Variants in ACAP1 observed in about 807,000 individuals in gnomAD.
ACAP1 encodes ArfGAP with coiled-coil, ankyrin repeat and PH domains 1.
ACAP1 carries 45 observed loss-of-function variants against 98.8 expected under a neutral mutation model. The observed-to-expected ratio is 0.46, with a 90% CI of 0.36 to 0.58. The LOEUF (loss-of-function observed/expected upper bound fraction) is 0.58. Ranked by LOEUF, ACAP1 falls within the 20% of genes least tolerant of loss-of-function variation. The pLI is 0.00. For synonymous variants in ACAP1, 362 were observed against 375.3 expected, an observed-to-expected ratio of 0.96 and a Z score of 0.41; for missense variants, 735 against 971.4, an observed-to-expected ratio of 0.76 and a Z score of 3.24.
chr17:7,343,692 T>C lies in ACAP1; in HGVS notation c.529-14T>C, dbSNP rs967041206. 1.9e-6 allele frequency: 3 copies of C among 1,613,040 alleles called. No individual in the cohort carries two copies. Among genetic ancestry groups the C allele is most frequent in the African/African-American group, 1.3e-5 (1 of 74,872 alleles). On this transcript the variant is annotated splice_polypyrimidine_tract_variant and intron_variant, in intron 6 of 21. Coordinates refer to ENST00000158762, the MANE Select transcript of ACAP1 (RefSeq NM_014716.4). The surrounding 1 kb of genome is among the most constrained non-coding windows in gnomAD (Gnocchi z 4.9). ...CTGATCTGGGGTTTTTTACGTCCTC[T>C]TTTACGTCCTCAGATCAACGTGATT...
In ACAP1 at chr17:7,346,610, G is replaced by C. The variant is rs112366129; in HGVS notation, c.1007+119G>C. 2.5e-6 allele frequency: 3 copies of C among 1,200,400 alleles called. No homozygotes were observed. The East Asian group carries it at 7.1e-5, about 28-fold the overall frequency. The allele number at this position is 1,200,400 out of a possible 1,614,324, so 74.4% of individuals were successfully genotyped here. On this transcript the variant is annotated intron_variant, in intron 12 of 21. Transcript: ENST00000158762. ...CTCCAGACTTTAATTTAATTCTTTG[G>C]CGGCTGGACTGGGGGGCCATTGTGG...
chr17:7,338,749 G>A (rs1450596092), intron 2 of ACAP1, among the ~76,000 whole-genome samples: 2 of 150,296 alleles, frequency 1.3e-5, no homozygotes, highest in East Asian at 4.1e-4. Flanking sequence ...GTCTCCCTAT[G>A]TTACCTAGGC....
chr17:7,351,317 C>G lies in ACAP1; in HGVS notation c.2145C>G (p.Ile715Met), dbSNP rs1186205047. Residue 715 changes from isoleucine to methionine, a missense_variant, in exon 22 of 22, where the codon ATC becomes ATG. Physicochemically the swap from Ile to Met is conservative, Grantham distance 10. This residue lies in a region of ACAP1 where 142 missense variants were observed against 224.1 expected (regional missense o/e 0.63). Coordinates refer to ENST00000158762, the MANE Select transcript of ACAP1 (RefSeq NM_014716.4). ...GQAGDETYLD[I>M]FRDFSLMASD... The stretch of plus-strand genomic sequence containing the variant: ...CAGGAGATGAGACGTATCTTGACAT[C>G]TTCCGCGACTTCTCCCTCATGGCGT... The G allele has an allele frequency of 1.2e-6, 2 of 1,613,612 alleles. No individual in the cohort carries two copies. The highest frequency in any genetic ancestry group is 1.1e-5 in the South Asian group (1 of 91,026).
intron 21 of ACAP1, 88 bp downstream of exon 21, chr17:7,351,087 C>A (rs62059228): frequency 7.5e-7 from 1 of 1,341,068 alleles, no homozygotes; most frequent in Non-Finnish European, 1.1e-6. Flanking sequence ...TAGTGCCCAG[C>A]TGCATTCATT....
At position 7,350,404 on chromosome 17, in the gene ACAP1, A is replaced by T; in HGVS notation, c.2072+167A>T. The T allele has an allele frequency of 8.3e-5, 33 of 397,180 alleles. No homozygotes were observed. The highest frequency in any genetic ancestry group is 1.1e-4 in the Non-Finnish European group (23 of 212,154). The allele number at this position is 397,180 out of a possible 1,614,324, so 24.6% of individuals were successfully genotyped here. ...GCCAGGCTCGAGAAAGGCTGCGCGA[A>T]GTGTGCACTGGGACGTGGAGTAGAA... On this transcript the variant is annotated intron_variant, in intron 20 of 21. Transcript: ENST00000158762. This position sits in a 1 kb window ranked among gnomAD's most constrained non-coding sequence, Gnocchi z 4.6.
Position 7,336,596 on chromosome 17 carries a change from G to A in ACAP1, c.-139G>A. ...CCCCTTTCCCCTTGGGGAAAGAATT[G>A]TGCCCCCAGGCCCTTCCCCGCGGAG... is the stretch of plus-strand genomic sequence containing the variant. On this transcript the variant is annotated 5_prime_UTR_variant, in exon 1 of 22. In the 5' UTR this introduces an upstream ATG that the reference lacks. Coordinates refer to ENST00000158762, the MANE Select transcript of ACAP1 (RefSeq NM_014716.4). The A allele has an allele frequency of 1.2e-6, 1 of 820,400 alleles. No homozygotes were observed. Among genetic ancestry groups the A allele is most frequent in the Non-Finnish European group, 2.0e-6 (1 of 492,340 alleles). 50.8% of individuals were successfully genotyped at this position (820,400 alleles called of 1,614,324 possible).
intron 15 of ACAP1, 60 bp downstream of exon 15, chr17:7,348,051 G>A (rs75068157): frequency 0.018 from 28,357 of 1,610,056 alleles, 331 homozygotes; most frequent in Non-Finnish European, 0.02. Flanking sequence ...AGGACATGGC[G>A]GTGCAGGGGC....
Position 7,350,375 on chromosome 17 carries a change from C to T in ACAP1, c.2072+138C>T, listed in dbSNP as rs114397726. On this transcript the variant is annotated intron_variant, in intron 20 of 21. Transcript: ENST00000158762. The surrounding 1 kb of genome is among the most constrained non-coding windows in gnomAD (Gnocchi z 4.6). ...CCTCGGAAAGGGGCTGGGCCAGCGCCGGGGCCAGGCTCGAGAAAGGCTGCG... is the reference window on the plus strand; with the variant it reads ...CCTCGGAAAGGGGCTGGGCCAGCGCTGGGGCCAGGCTCGAGAAAGGCTGCG... 2.0e-3 allele frequency: 1,094 copies of T among 550,976 alleles called. 11 individuals carry two copies. Among genetic ancestry groups the T allele is most frequent in the African/African-American group, 0.019 (983 of 50,526 alleles). The allele number at this position is 550,976 out of a possible 1,614,324, so 34.1% of individuals were successfully genotyped here.
In ACAP1 at chr17:7,344,281, T is replaced by G. The variant is rs562438652; in HGVS notation, c.744+158T>G. Among the ~76,000 whole-genome samples the G allele has an allele frequency of 3.3e-5, 5 of 152,180 alleles. No individual in the cohort carries two copies. In the South Asian group the frequency reaches 1.0e-3, roughly 32 times the overall value. ...TTTAAAATTAGCTGGTGTGGTGGCA[T>G]GCACCTCTAGTTCTAGCTACTCAGG... On this transcript the variant is annotated intron_variant, in intron 9 of 21. Transcript: ENST00000158762. The surrounding 1 kb of genome is among the most constrained non-coding windows in gnomAD (Gnocchi z 4.9).
Position 7,347,026 on chromosome 17 carries a change from C to G in ACAP1, c.1132-5C>G, listed in dbSNP as rs1420803312. On this transcript the variant is annotated splice_region_variant and splice_polypyrimidine_tract_variant and intron_variant, in intron 13 of 21. Transcript: ENST00000158762. ...GGCCACCCTTTCTTCCCCTCTCTCC[C>G]CCAGGGCTCAGGACACCTGGCCATA... is the stretch of plus-strand genomic sequence containing the variant. 4 of 1,577,328 alleles carry G rather than the reference C, an allele frequency of 2.5e-6. No homozygotes were observed. Among genetic ancestry groups the G allele is most frequent in the Non-Finnish European group, 3.5e-6 (4 of 1,157,360 alleles).
At position 7,350,633 on chromosome 17, in the gene ACAP1, G is replaced by A. The variant is rs1336048792; in HGVS notation, c.2073-317G>A. 1.3e-5 allele frequency: 5 copies of A among 381,944 alleles called. No homozygotes were observed. Among genetic ancestry groups the A allele is most frequent in the African/African-American group, 2.1e-5 (1 of 47,302 alleles). 23.7% of individuals were successfully genotyped at this position (381,944 alleles called of 1,614,324 possible). On this transcript the variant is annotated intron_variant, in intron 20 of 21. Transcript: ENST00000158762. This position sits in a 1 kb window ranked among gnomAD's most constrained non-coding sequence, Gnocchi z 4.6. ...AGTCTTTTTTTTTTTTTTTGAGACGGAGTCTCACTCTGTCGCCCAGGCTAG... is the reference window on the plus strand; with the variant it reads ...AGTCTTTTTTTTTTTTTTTGAGACGAAGTCTCACTCTGTCGCCCAGGCTAG...
chr17:7,338,552 C>T (rs992600587), intron 2 of ACAP1, among the ~76,000 whole-genome samples: 4 of 152,064 alleles, frequency 2.6e-5, no homozygotes, highest in Middle Eastern at 3.4e-3. Context: ...CTTAAGCCAC[C>T]GCACCCGGCC....
chr17:7,336,594 T>G lies in ACAP1; in HGVS notation c.-141T>G. On this transcript the variant is annotated 5_prime_UTR_variant, in exon 1 of 22. Transcript: ENST00000158762. ...CACCCCTTTCCCCTTGGGGAAAGAA[T>G]TGTGCCCCCAGGCCCTTCCCCGCGG... The G allele has an allele frequency of 1.2e-6, 1 of 810,180 alleles. No individual in the cohort carries two copies. The highest frequency in any genetic ancestry group is 2.5e-5 in the East Asian group (1 of 39,860). The allele number at this position is 810,180 out of a possible 1,614,324, so 50.2% of individuals were successfully genotyped here. A position where few individuals can be genotyped will look rare whatever the true frequency, so the allele number is the denominator to read the frequency against.
chr17:7,344,714 C>A lies in ACAP1; in HGVS notation c.854+66C>A, dbSNP rs2073330586. On this transcript the variant is annotated intron_variant, in intron 10 of 21. Transcript: ENST00000158762. The surrounding 1 kb of genome is among the most constrained non-coding windows in gnomAD (Gnocchi z 4.9). ...GATGTATTTTCGAGTGGTAATAGCA[C>A]ACTAAGCACTGCAAGGAAAAACAGA... is the stretch of plus-strand genomic sequence containing the variant. 8.5e-7 allele frequency: 1 copy of A among 1,183,242 alleles called. No individual in the cohort carries two copies. Among genetic ancestry groups the A allele is most frequent in the Non-Finnish European group, 1.2e-6 (1 of 816,494 alleles). The allele number at this position is 1,183,242 out of a possible 1,614,324, so 73.3% of individuals were successfully genotyped here.
Position 7,348,155 on chromosome 17 carries a change from T to G in ACAP1, c.1442T>G (p.Ile481Ser). The G allele has an allele frequency of 6.2e-7, 1 of 1,614,108 alleles. No homozygotes were observed. The highest frequency in any genetic ancestry group is 2.2e-5 in the East Asian group (1 of 44,884). ...KLMCELGNVI[I>S]NQIYEARVEA... ...ATGTGTGAGCTGGGAAATGTCATCA[T>G]CAACCAGATCTATGAGGCCCGCGTG... The change falls in exon 16 of 22, where the codon ATC (isoleucine) becomes AGC (serine). Residue 481 changes from isoleucine (I) to serine (S), a missense_variant. Around this residue, in one of 5 missense-constraint regions of ACAP1, gnomAD observed 81 missense variants for 132.0 expected, o/e 0.61. Coordinates refer to ENST00000158762, the MANE Select transcript of ACAP1 (RefSeq NM_014716.4).
At chr17:7,346,364 T>C (rs769850461) in intron 11 of ACAP1, 27 bp from the exon 12 acceptor site, 1 of 1,613,982 alleles carries the variant, frequency 6.2e-7, no homozygotes. Context: ...GCTGGACATC[T>C]GGCCCCTTAT....
intron 18 of ACAP1, 65 bp from the exon 19 acceptor site, chr17:7,349,878 TAA>T (rs1290655232): frequency 7.5e-7 from 1 of 1,331,962 alleles, no homozygotes; most frequent in Non-Finnish European, 1.1e-6. Context: ...GGCGCCACCC[TAA>T]GACATCTTGA....
intron 14 of ACAP1, 68 bp downstream of exon 14, chr17:7,347,310 C>A: frequency 7.2e-7 from 1 of 1,395,110 alleles, no homozygotes; most frequent in Non-Finnish European, 9.9e-7. Context: ...ATACAGAGCG[C>A]ATCACACCGG....
Position 7,344,721 on chromosome 17 carries a change from C to A in ACAP1, c.854+73C>A, listed in dbSNP as rs1042543266. 102 of 1,135,148 alleles carry A rather than the reference C, an allele frequency of 9.0e-5. 1 individual carries two copies. The African/African-American group carries it at 1.2e-3, about 13-fold the overall frequency. The allele number at this position is 1,135,148 out of a possible 1,614,324, so 70.3% of individuals were successfully genotyped here. ...TTTCGAGTGGTAATAGCACACTAAG[C>A]ACTGCAAGGAAAAACAGACGAACCC... is the stretch of plus-strand genomic sequence containing the variant. On this transcript the variant is annotated intron_variant, in intron 10 of 21. Transcript: ENST00000158762. The surrounding 1 kb of genome is among the most constrained non-coding windows in gnomAD (Gnocchi z 4.9).
Sources: gnomAD v4.1 joint callset for allele counts (sites outside exome capture counted in the v4.1 genomes callset) on GRCh38, gnomAD v4.1.1 for gene constraint, gnomAD v4.1.1 regional missense constraint, Gnocchi (gnomAD v3.1) non-coding constraint, MANE v1.5 for transcripts, NCBI Gene and HGNC (gene_info 2026-07-23, HGNC 2026-07-21) for gene names.